TAFA1: variants seen among roughly 807,000 people sequenced by gnomAD.
TAFA1 encodes chemokine-like protein TAFA-1.
In TAFA1, 4 loss-of-function variants were observed where a neutral mutation model predicts 18.5. The ratio of observed to expected loss-of-function variants is 0.22; its 90% CI spans 0.11 to 0.49. The LOEUF (loss-of-function observed/expected upper bound fraction) is 0.49, where lower values mean the gene tolerates loss of function less well. Among genes scored for constraint, TAFA1 ranks in the 20% least tolerant of loss-of-function variants. TAFA1 has a pLI of 0.98. For synonymous variants in TAFA1, 56 were observed against 55.2 expected, an observed-to-expected ratio of 1.01 and a Z score of -0.06; for missense variants, 147 against 169.0, an observed-to-expected ratio of 0.87 and a Z score of 0.72.
At chr3:68,359,816 A>G (rs2069437168) in intron 2 of TAFA1, among the ~76,000 whole-genome samples, 1 of 152,008 alleles carries the variant, frequency 6.6e-6, no homozygotes, top group Non-Finnish European at 1.5e-5. Flanking sequence ...CACTGTCAAA[A>G]CAGAGGGCTT....
At chr3:68,302,328 A>G (rs563483555) in intron 2 of TAFA1, among the ~76,000 whole-genome samples, 73 of 152,256 alleles carry the variant, frequency 4.8e-4, no homozygotes, top group African/African-American at 1.7e-3. Context: ...ACCATCTCTT[A>G]TGTATTAAAC....
At chr3:68,097,843 A>G (rs1366482082) in intron 2 of TAFA1, among the ~76,000 whole-genome samples, 1 of 152,186 alleles carries the variant, frequency 6.6e-6, no homozygotes, top group African/African-American at 2.4e-5. Context: ...AAGGGAATAA[A>G]GAGTTGAGGC....
At chr3:68,074,347 C>G (rs749318207) in intron 2 of TAFA1, among the ~76,000 whole-genome samples, 1 of 152,036 alleles carries the variant, frequency 6.6e-6, no homozygotes, top group African/African-American at 2.4e-5. Context: ...GGTACTGGTC[C>G]GTGGTCTGGG....
At chr3:68,172,605 G>A (rs922465351) in intron 2 of TAFA1, among the ~76,000 whole-genome samples, 1 of 152,066 alleles carries the variant, frequency 6.6e-6, no homozygotes, top group Non-Finnish European at 1.5e-5. Flanking sequence ...TAGCCAAAAA[G>A]TGGAAACAAC....
At chr3:68,116,929 G>C (rs1400253975) in intron 2 of TAFA1, among the ~76,000 whole-genome samples, 1 of 152,148 alleles carries the variant, frequency 6.6e-6, no homozygotes, top group Non-Finnish European at 1.5e-5. Context: ...TGGTGACAGA[G>C]ACCATCTGGC....
At chr3:68,358,660 C>T (rs555857219) in intron 2 of TAFA1, among the ~76,000 whole-genome samples, 1 of 152,082 alleles carries the variant, frequency 6.6e-6, no homozygotes, top group African/African-American at 2.4e-5. Flanking sequence ...CCCATCCCTG[C>T]AGCTGCTCAC....
At chr3:68,018,862 G>A (rs1704622880) in intron 2 of TAFA1, among the ~76,000 whole-genome samples, 1 of 152,116 alleles carries the variant, frequency 6.6e-6, no homozygotes, top group African/African-American at 2.4e-5. Flanking sequence ...CTGAATAATG[G>A]CTCGGTTTAC....
intron 2 of TAFA1, among the ~76,000 whole-genome samples, chr3:68,191,017 T>C (rs1034009829): frequency 5.9e-5 from 9 of 151,784 alleles, no homozygotes; most frequent in Non-Finnish European, 1.3e-4. Flanking sequence ...CTCATCTGCG[T>C]AGCTTGTGAA....
At chr3:68,158,071 C>A (rs758730404) in intron 2 of TAFA1, among the ~76,000 whole-genome samples, 2 of 152,126 alleles carry the variant, frequency 1.3e-5, no homozygotes. Flanking sequence ...AACCCCCTTA[C>A]AAAATCTGCC....
At chr3:68,359,807 A>G (rs558919769) in intron 2 of TAFA1, among the ~76,000 whole-genome samples, 1 of 152,126 alleles carries the variant, frequency 6.6e-6, no homozygotes, top group East Asian at 1.9e-4. Context: ...AGTTTATTTC[A>G]CTGTCAAAAC....
At chr3:68,126,695 A>C (rs926746575) in intron 2 of TAFA1, among the ~76,000 whole-genome samples, 1 of 152,246 alleles carries the variant, frequency 6.6e-6, no homozygotes, top group African/African-American at 2.4e-5. Flanking sequence ...TTAACATTAC[A>C]TCATGGGGCA....
intron 2 of TAFA1, among the ~76,000 whole-genome samples, chr3:68,236,169 A>G (rs555366306): frequency 6.6e-5 from 10 of 152,318 alleles, no homozygotes; most frequent in Non-Finnish European, 1.0e-4. Context: ...CTCATATTCA[A>G]GTAGGACAGA....
chr3:68,361,969 T>G (rs17047573), intron 2 of TAFA1, among the ~76,000 whole-genome samples: 8,323 of 152,128 alleles, frequency 0.055, 484 homozygotes, highest in East Asian at 0.17. Flanking sequence ...CTATTAACCA[T>G]TCCAACCAGT....
At chr3:68,162,392 C>T in intron 2 of TAFA1, among the ~76,000 whole-genome samples, 1 of 152,152 alleles carries the variant, frequency 6.6e-6, no homozygotes, top group East Asian at 1.9e-4. Context: ...GCACAGTTCA[C>T]AATAGGGTTC....
intron 3 of TAFA1, among the ~76,000 whole-genome samples, chr3:68,441,061 A>T (rs1020335709): frequency 1.3e-5 from 2 of 152,156 alleles, no homozygotes; most frequent in Non-Finnish European, 2.9e-5. Flanking sequence ...TTCTAAGGTA[A>T]AGAATAAGTT....
intron 3 of TAFA1, among the ~76,000 whole-genome samples, chr3:68,521,130 G>A (rs561273234): frequency 9.3e-4 from 141 of 152,330 alleles, no homozygotes; most frequent in African/African-American, 3.2e-3. Context: ...AGTAGCTGCA[G>A]CTGTCATATA....
intron 2 of TAFA1, among the ~76,000 whole-genome samples, chr3:68,400,894 C>T (rs2070474488): frequency 6.6e-6 from 1 of 152,108 alleles, no homozygotes; most frequent in South Asian, 2.1e-4. Flanking sequence ...AGAACTGTGT[C>T]AGGTGTTCAT....
chr3:68,522,579 A>C (rs2073045127), intron 3 of TAFA1, among the ~76,000 whole-genome samples: 1 of 152,204 alleles, frequency 6.6e-6, no homozygotes, highest in Admixed American at 6.5e-5. Context: ...CCAGGTACAG[A>C]GGCTCATGCC....
chr3:68,171,901 A>G (rs1222307575), intron 2 of TAFA1, among the ~76,000 whole-genome samples: 1 of 152,176 alleles, frequency 6.6e-6, no homozygotes, highest in African/African-American at 2.4e-5. Context: ...TGTCCAGTTC[A>G]AGCAAAATGA....
Sources: gnomAD v4.1 joint callset for allele counts (sites outside exome capture counted in the v4.1 genomes callset) on GRCh38, gnomAD v4.1.1 for gene constraint, MANE v1.5 for transcripts, NCBI Gene and HGNC (gene_info 2026-07-23, HGNC 2026-07-21) for gene names.